IQCK: variants seen among roughly 807,000 people sequenced by gnomAD.
IQCK encodes IQ domain-containing protein K.
A neutral mutation model predicts 28.1 loss-of-function variants in IQCK; 29 were observed. The ratio of observed to expected loss-of-function variants is 1.03; its 90% CI spans 0.77 to 1.41. IQCK has a LOEUF of 1.41. IQCK is among the 40% of genes most tolerant of loss of function. IQCK has a pLI of 0.00. For missense variants in IQCK, 359 were observed against 314.7 expected (o/e 1.14, Z -1.07); for synonymous variants, 113 against 115.1 (o/e 0.98, Z 0.12).
At chr16:19,822,067 CAAAAAAAAAAAA>C (rs35060834) in intron 7 of IQCK, among the ~76,000 whole-genome samples, 10 of 64,650 alleles carry the variant, frequency 1.5e-4, no homozygotes, top group Non-Finnish European at 2.3e-4. Context: ...GACCCTGTCT[CAAAAAAAAAAAA>C]AAAACAAAAA....
At chr16:19,723,901 A>C (rs1977573164) in intron 1 of IQCK, among the ~76,000 whole-genome samples, 1 of 151,588 alleles carries the variant, frequency 6.6e-6, no homozygotes, top group Admixed American at 6.6e-5. Flanking sequence ...AGGAGGTTGC[A>C]CTGAGCCGAG....
intron 4 of IQCK, among the ~76,000 whole-genome samples, chr16:19,739,748 G>A (rs534775420): frequency 5.2e-4 from 79 of 152,226 alleles, no homozygotes; most frequent in Admixed American, 1.0e-3. Flanking sequence ...CCTGGAAGTT[G>A]AGTCTGCAGT....
chr16:19,848,195 G>A (rs1322572480), intron 9 of IQCK, among the ~76,000 whole-genome samples: 1 of 152,148 alleles, frequency 6.6e-6, no homozygotes, highest in Non-Finnish European at 1.5e-5. Flanking sequence ...AACCATTCTG[G>A]TGGGTGTGTG....
At chr16:19,772,276 A>G (rs1210198125) in intron 6 of IQCK, among the ~76,000 whole-genome samples, 2 of 152,206 alleles carry the variant, frequency 1.3e-5, no homozygotes, top group Non-Finnish European at 2.9e-5. Flanking sequence ...TGAAAGTAAG[A>G]AATATACCAA....
chr16:19,847,454 G>A (rs1359206119), intron 9 of IQCK, among the ~76,000 whole-genome samples: 1 of 152,184 alleles, frequency 6.6e-6, no homozygotes, highest in African/African-American at 2.4e-5. Context: ...GAACATGGGC[G>A]GCCCCCAGCC....
exon 1 of IQCK, chr16:19,718,459 C>G (rs577228459): frequency 1.2e-6 from 2 of 1,607,506 alleles, no homozygotes; most frequent in African/African-American, 2.7e-5. Flanking sequence ...AGCCGTCAAG[C>G]AAGAATCTGT....
intron 9 of IQCK, among the ~76,000 whole-genome samples, chr16:19,854,633 C>G (rs2056530896): frequency 1.3e-5 from 2 of 152,254 alleles, no homozygotes; most frequent in African/African-American, 4.8e-5. Context: ...GTGTACCTCC[C>G]TGGGGGGATC....
At chr16:19,801,299 TCTC>T (rs138447185) in intron 7 of IQCK, among the ~76,000 whole-genome samples, 2,586 of 100,742 alleles carry the variant, frequency 0.026, 358 homozygotes, top group African/African-American at 0.21. Context: ...TCTCTCTCTC[TCTC>T]TTTTTTTTTT....
intron 9 of IQCK, among the ~76,000 whole-genome samples, chr16:19,844,185 T>G (rs1226397077): frequency 6.6e-6 from 1 of 151,860 alleles, no homozygotes; most frequent in Non-Finnish European, 1.5e-5. Flanking sequence ...GCTCAAGGGA[T>G]TCTCCCACTT....
At chr16:19,813,687 G>A (rs1033938298) in intron 7 of IQCK, among the ~76,000 whole-genome samples, 4 of 152,186 alleles carry the variant, frequency 2.6e-5, no homozygotes, top group Non-Finnish European at 5.9e-5. Flanking sequence ...GGAGTGGGAT[G>A]CAAGAAACAA....
At chr16:19,833,119 T>TA (rs1321334881) in intron 9 of IQCK, among the ~76,000 whole-genome samples, 1 of 152,228 alleles carries the variant, frequency 6.6e-6, no homozygotes, top group Non-Finnish European at 1.5e-5. Flanking sequence ...TGAGGACACT[T>TA]AAAATCTGCT....
At chr16:19,730,276 A>G (rs568300932) in intron 1 of IQCK, among the ~76,000 whole-genome samples, 154 bp from the exon 2 acceptor site, 2 of 152,268 alleles carry the variant, frequency 1.3e-5, no homozygotes, top group East Asian at 3.9e-4. Flanking sequence ...TTTAAATACC[A>G]TTAAATGTTA....
At chr16:19,842,081 G>C (rs2056367952) in intron 9 of IQCK, among the ~76,000 whole-genome samples, 2 of 152,060 alleles carry the variant, frequency 1.3e-5, no homozygotes, top group African/African-American at 2.4e-5. Flanking sequence ...CCTGACCTCA[G>C]GTGATCTGCC....
In IQCK at chr16:19,833,683, C is replaced by A. The variant is rs376474833; in HGVS notation, c.802+6546C>A. ...TAGAGGGTGGAGACCAGAGAAAGTT[C>A]TTTTCCCTAATTTTAATTTAGACCA... On this transcript the variant is annotated intron_variant, in intron 9 of 9. Coordinates refer to the IQCK transcript ENST00000320394. Among the ~76,000 whole-genome samples, 4 of 152,270 alleles carry A rather than the reference C, an allele frequency of 2.6e-5. 1 individual carries two copies. The highest frequency in any genetic ancestry group is 9.6e-5 in the African/African-American group (4 of 41,544).
intron 7 of IQCK, among the ~76,000 whole-genome samples, chr16:19,813,847 G>A (rs901147018): frequency 6.6e-6 from 1 of 152,010 alleles, no homozygotes; most frequent in African/African-American, 2.4e-5. Flanking sequence ...TGTTTGGGAG[G>A]AGGCTGGACA....
At chr16:19,856,532 A>G in exon 10 of IQCK, 1 of 1,613,876 alleles carries the variant, frequency 6.2e-7, no homozygotes, top group East Asian at 2.2e-5. Flanking sequence ...GCCAAGATGA[A>G]AATTCCATCA....
intron 6 of IQCK, among the ~76,000 whole-genome samples, chr16:19,783,954 G>A (rs1440016252): frequency 6.6e-6 from 1 of 152,136 alleles, no homozygotes; most frequent in Admixed American, 6.6e-5. Context: ...TCCTGCTGCT[G>A]TTCCGAAACA....
chr16:19,824,745 A>G (rs935438426), intron 7 of IQCK, among the ~76,000 whole-genome samples: 4 of 152,268 alleles, frequency 2.6e-5, no homozygotes, highest in Admixed American at 1.3e-4. Flanking sequence ...GTGAAGAGGT[A>G]GAAAGATGAA....
chr16:19,761,184 C>G lies in IQCK; in HGVS notation c.475-2664C>G, dbSNP rs1354559837. ...TAGGTCTCAGCCTCATTTTACCCAG[C>G]CCCTATTCAAGATGGAGTTGCTCTG... On this transcript the variant is annotated intron_variant, in intron 4 of 7. Coordinates refer to ENST00000564186, the Ensembl canonical transcript of IQCK. The G allele has an allele frequency of 1.7e-4, 56 of 336,732 alleles. No individual in the cohort carries two copies. In the Admixed American group the frequency reaches 2.2e-3, roughly 13 times the overall value. The allele number at this position is 336,732 out of a possible 1,614,324, so 20.9% of individuals were successfully genotyped here. A position where few individuals can be genotyped will look rare whatever the true frequency, so the allele number is the denominator to read the frequency against.
Sources: allele counts gnomAD v4.1 joint callset (sites outside exome capture counted in the v4.1 genomes callset), GRCh38; gene constraint gnomAD v4.1.1; transcripts MANE v1.5; gene names NCBI Gene and HGNC (gene_info 2026-07-23, HGNC 2026-07-21).